Variants in PIGN observed in about 807,000 individuals in gnomAD.
The protein encoded by PIGN is phosphatidylinositol glycan anchor biosynthesis class N, also known as GPI ethanolamine phosphate transferase 1.
A neutral mutation model predicts 125.4 loss-of-function variants in PIGN; 117 were observed. The observed-to-expected ratio is 0.93, with a 90% confidence interval of 0.80 to 1.09. The LOEUF (loss-of-function observed/expected upper bound fraction) is 1.09, where lower values mean the gene tolerates loss of function less well. Among genes scored for constraint, PIGN ranks in the 50% least tolerant of loss-of-function variants. The probability of loss-of-function intolerance (pLI) is 0.00; values close to 1 mark genes in which losing one functional copy is unlikely to be tolerated. For synonymous variants in PIGN, 392 were observed against 377.8 expected, an observed-to-expected ratio of 1.04 and a Z score of -0.44; for missense variants, 1,075 against 1,094.9, an observed-to-expected ratio of 0.98 and a Z score of 0.26.
At chr18:62,058,091 T>C (rs1395395765) in intron 30 of PIGN, among the ~76,000 whole-genome samples, 13 of 151,502 alleles carry the variant, frequency 8.6e-5, no homozygotes, top group Non-Finnish European at 1.5e-4. Context: ...TGGGTGGCCT[T>C]CAAAGACTCT....
rs2033082223 is a variant in PIGN, at chr18:62,074,767, G to C, written c.2619+12C>G. The C allele has an allele frequency of 6.4e-7, 1 of 1,568,382 alleles. No homozygotes were observed. The highest frequency in any genetic ancestry group is 1.7e-5 in the Admixed American group (1 of 59,566). On this transcript the variant is annotated intron_variant, in intron 29 of 30. Transcript: ENST00000640252. ...TAATCTAATTTATATGGACTACCCA[G>C]TAATGCCTTACCAAAGCCATAATGT...
At chr18:62,034,585 G>A (rs1445498761) in intron 23 of PIGN, among the ~76,000 whole-genome samples, 1 of 152,226 alleles carries the variant, frequency 6.6e-6, no homozygotes, top group Non-Finnish European at 1.5e-5. Context: ...ACCTGGATGT[G>A]AGACATGGAG....
chr18:62,141,774 T>C (rs1369366283), intron 11 of PIGN, among the ~76,000 whole-genome samples: 1 of 152,192 alleles, frequency 6.6e-6, no homozygotes, highest in Non-Finnish European at 1.5e-5. Flanking sequence ...CAGAATTAAG[T>C]TCACAAGGCC....
chr18:62,037,059 C>T (rs2030270471), downstream of PIGN, among the ~76,000 whole-genome samples: 1 of 152,186 alleles, frequency 6.6e-6, no homozygotes, highest in Non-Finnish European at 1.5e-5. Flanking sequence ...CTTACTTTAA[C>T]TCATGCCACT....
In PIGN at chr18:62,173,140, G is replaced by A. The variant is rs141384424; in HGVS notation, c.-235-9484C>T. Among the ~76,000 whole-genome samples, 33 of 152,322 alleles carry A rather than the reference G, an allele frequency of 2.2e-4. No individual in the cohort carries two copies. In the East Asian group the frequency reaches 5.4e-3, roughly 25 times the overall value. ...ATTAAGATTGGGACTTCTTATTGGTGATCCAAATCATGCAAATAAACTCTG... is the reference window on the plus strand; with the variant it reads ...ATTAAGATTGGGACTTCTTATTGGTAATCCAAATCATGCAAATAAACTCTG... On this transcript the variant is annotated intron_variant, in intron 1 of 30. Coordinates refer to ENST00000640252, the MANE Select transcript of PIGN (RefSeq NM_176787.5).
chr18:62,164,391 C>G (rs2037058158), intron 1 of PIGN, among the ~76,000 whole-genome samples: 2 of 152,166 alleles, frequency 1.3e-5, no homozygotes, highest in Non-Finnish European at 2.9e-5. Flanking sequence ...AGTGGTTTCA[C>G]AGTTCCACAG....
At chr18:62,073,204 T>TGTGTGTGTG (rs2032988869) in intron 29 of PIGN, among the ~76,000 whole-genome samples, 1 of 142,988 alleles carries the variant, frequency 7.0e-6, no homozygotes, top group South Asian at 2.3e-4. Flanking sequence ...TGTGTGTGTG[T>TGTGTGTGTG]AAGGGGGGGA....
intron 21 of PIGN, 88 bp downstream of exon 21, chr18:62,102,706 G>A: frequency 1.6e-6 from 1 of 612,018 alleles, no homozygotes; most frequent in South Asian, 2.3e-5. Context: ...TAAAGGTAAT[G>A]GCATTTTATG....
intron 24 of PIGN, among the ~76,000 whole-genome samples, chr18:62,089,233 T>C (rs2033850688): frequency 6.6e-6 from 1 of 152,238 alleles, no homozygotes; most frequent in Middle Eastern, 3.4e-3. Context: ...TTAAAAGACA[T>C]GGTAAAATTA....
intron 8 of PIGN, among the ~76,000 whole-genome samples, chr18:62,147,706 T>A (rs75811140): frequency 0.041 from 6,297 of 152,276 alleles, 429 homozygotes; most frequent in African/African-American, 0.14. Context: ...TAACATGGTA[T>A]CTTCCTTTTA....
At chr18:62,047,993 C>A (rs1056581767) in intron 30 of PIGN, among the ~76,000 whole-genome samples, 1 of 151,974 alleles carries the variant, frequency 6.6e-6, no homozygotes, top group Non-Finnish European at 1.5e-5. Flanking sequence ...AATAGGAATT[C>A]TCAGCAAAGA....
intron 22 of PIGN, among the ~76,000 whole-genome samples, chr18:62,098,699 G>T (rs1270706042): frequency 6.6e-6 from 1 of 152,120 alleles, no homozygotes; most frequent in Non-Finnish European, 1.5e-5. Context: ...AGATACTGAT[G>T]ACTTACCTAT....
rs754102116 is a variant in PIGN, at chr18:62,084,625, G to GA, written c.2427-20dup. 7.5e-6 allele frequency: 11 copies of GA among 1,459,454 alleles called. No individual in the cohort carries two copies. The highest frequency in any genetic ancestry group is 3.4e-4 in the Middle Eastern group (2 of 5,826). The allele number at this position is 1,459,454 out of a possible 1,614,324, so 90.4% of individuals were successfully genotyped here. ...ATCAAAGCTAGGGAATTATAACAAGGAAAAAGAATTTAGAATTCACTCTGT... is the reference window on the plus strand; with the variant it reads ...ATCAAAGCTAGGGAATTATAACAAGGAAAAAAGAATTTAGAATTCACTCTGT... On this transcript the variant is annotated intron_variant, in intron 26 of 30. Coordinates refer to ENST00000640252, the MANE Select transcript of PIGN (RefSeq NM_176787.5).
At chr18:62,070,572 T>C (rs1480484588) in intron 30 of PIGN, 1 of 397,280 alleles carries the variant, frequency 2.5e-6, no homozygotes, top group Non-Finnish European at 4.4e-6. Flanking sequence ...CCCATACAAT[T>C]CCTGGCAACA....
Position 62,084,600 on chromosome 18 carries a change from A to G in PIGN, c.2433T>C (p.Asp811=). The change falls in exon 27 of 31, where the codon GAT becomes GAC. Residue 811 remains aspartate (D), a synonymous_variant. Transcript: ENST00000640252. ...TCAGAAAGCAATAGACAGAGGCAAG[A>G]TCAAAGCTAGGGAATTATAACAAGG... ...TGNIASINSF[D]LASVYCFLTV... The G allele has an allele frequency of 6.5e-7, 1 of 1,548,904 alleles. No individual in the cohort carries two copies. The highest frequency in any genetic ancestry group is 1.4e-5 in the African/African-American group (1 of 73,226).
intron 25 of PIGN, among the ~76,000 whole-genome samples, chr18:62,086,626 T>G (rs973115316): frequency 2.0e-3 from 297 of 151,708 alleles, no homozygotes; most frequent in Non-Finnish European, 3.4e-3. Flanking sequence ...TTGTTTTTTT[T>G]TTTTTTTTAA....
chr18:62,109,575 T>C (rs1293902421), intron 17 of PIGN, among the ~76,000 whole-genome samples: 1 of 152,080 alleles, frequency 6.6e-6, no homozygotes, highest in Non-Finnish European at 1.5e-5. Context: ...TTTTTTTCTA[T>C]AAAAGATACA....
Position 62,101,178 on chromosome 18 carries a change from C to A in PIGN, c.1974G>T (p.Leu658=). ...EELLVHLLQV[L]STVLSMYVVY... ...CAACATACATGGAGAGCACTGTGCT[C>A]AGCACCTAAAGACAAAGATGAAATA... Residue 658 remains leucine, a synonymous_variant, in exon 22 of 31, where the codon CTG becomes CTT. Coordinates refer to ENST00000640252, the MANE Select transcript of PIGN (RefSeq NM_176787.5). 1 of 1,581,920 alleles carries A rather than the reference C, an allele frequency of 6.3e-7. No individual in the cohort carries two copies.
intron 7 of PIGN, among the ~76,000 whole-genome samples, chr18:62,148,598 T>C (rs1467312098): frequency 6.6e-6 from 1 of 152,158 alleles, no homozygotes; most frequent in Non-Finnish European, 1.5e-5. Context: ...CATAGAGATC[T>C]CATAATGTTG....
Sources: gnomAD v4.1 joint callset for allele counts (sites outside exome capture counted in the v4.1 genomes callset) on GRCh38, gnomAD v4.1.1 for gene constraint, MANE v1.5 for transcripts, NCBI Gene and HGNC (gene_info 2026-07-23, HGNC 2026-07-21) for gene names.